PDE1A: variants seen among roughly 807,000 people sequenced by gnomAD.
PDE1A encodes the protein phosphodiesterase 1A.
A neutral mutation model predicts 61.7 loss-of-function variants in PDE1A; 35 were observed. That is an observed-to-expected ratio of 0.57 (90% confidence interval 0.43 to 0.75). The LOEUF (loss-of-function observed/expected upper bound fraction) is 0.75. PDE1A is among the 30% of genes least tolerant of loss of function. The pLI is 0.00. For synonymous variants in PDE1A, 232 were observed against 213.2 expected, an observed-to-expected ratio of 1.09 and a Z score of -0.77; for missense variants, 597 against 630.6, an observed-to-expected ratio of 0.95 and a Z score of 0.57.
chr2:182,382,588 A>C (rs1700798303), intron 1 of PDE1A, among the ~76,000 whole-genome samples: 1 of 152,210 alleles, frequency 6.6e-6, no homozygotes, highest in Non-Finnish European at 1.5e-5. Context: ...GACCCACAGA[A>C]CTTTTCACTA....
chr2:182,653,306 C>T, the PDE1A span, among the ~76,000 whole-genome samples: 23,528 of 152,078 alleles, frequency 0.15, 2,409 homozygotes, highest in African/African-American at 0.29. Context: ...CCTGGATCTG[C>T]ATATTTTAGC....
chr2:182,561,210 T>TAAA, the PDE1A span, among the ~76,000 whole-genome samples: 1 of 152,058 alleles, frequency 6.6e-6, no homozygotes, highest in Non-Finnish European at 1.5e-5. Context: ...TAAGTCTTTA[T>TAAA]CCATCTTGAA....
rs567050691 is a variant in PDE1A at position 182,304,200 on chromosome 2, T to A, written c.54-39786A>T. The stretch of plus-strand genomic sequence containing the variant: ...CCCGGCCGATGGCTTCTTTTCTTAA[T>A]CCTCATAAACCAGCCTCTGCTAGCT... On this transcript the variant is annotated intron_variant, in intron 1 of 13. Transcript: ENST00000351439. Among the ~76,000 whole-genome samples, 110 of 152,278 alleles carry A rather than the reference T, an allele frequency of 7.2e-4. No individual in the cohort carries two copies. The Middle Eastern group carries it at 0.01, about 14-fold the overall frequency.
At chr2:182,579,606 T>C in the PDE1A span, among the ~76,000 whole-genome samples, 2 of 152,152 alleles carry the variant, frequency 1.3e-5, no homozygotes, top group Non-Finnish European at 2.9e-5. Context: ...GCTATGAGTA[T>C]ATAGAGCCAC....
intron 1 of PDE1A, among the ~76,000 whole-genome samples, chr2:182,342,557 C>T (rs1183038525): frequency 6.6e-6 from 1 of 152,156 alleles, no homozygotes; most frequent in Non-Finnish European, 1.5e-5. Flanking sequence ...GTAACACGTG[C>T]CTGTAGTCCT....
the PDE1A span, among the ~76,000 whole-genome samples, chr2:182,697,750 G>A: frequency 3.9e-5 from 6 of 152,324 alleles, no homozygotes; most frequent in African/African-American, 1.4e-4. Context: ...CAAAGTCTAG[G>A]CTTGGAGGGA....
upstream of PDE1A, among the ~76,000 whole-genome samples, chr2:182,525,987 A>C (rs1328374507): frequency 6.6e-6 from 1 of 152,172 alleles, no homozygotes; most frequent in East Asian, 1.9e-4. Flanking sequence ...CAAAATCCCA[A>C]GTTAGCATCT....
chr2:182,201,502 T>G (rs1266168374), exon 10 of PDE1A: 1 of 1,614,056 alleles, frequency 6.2e-7, no homozygotes, highest in South Asian at 1.1e-5. Context: ...AGGATTTGGC[T>G]GGGTGGCTGA....
At chr2:182,406,116 A>G (rs916496831) in intron 1 of PDE1A, among the ~76,000 whole-genome samples, 6 of 152,086 alleles carry the variant, frequency 3.9e-5, no homozygotes, top group Non-Finnish European at 7.4e-5. Context: ...CACTTTCTAT[A>G]TAGTACTTCA....
chr2:182,686,395 T>C, the PDE1A span, among the ~76,000 whole-genome samples: 1 of 152,240 alleles, frequency 6.6e-6, no homozygotes, highest in Non-Finnish European at 1.5e-5. Context: ...GATATGTATA[T>C]CTATTCATGT....
intron 2 of PDE1A, among the ~76,000 whole-genome samples, chr2:182,488,393 G>A (rs1254648258): frequency 6.6e-5 from 10 of 151,960 alleles, no homozygotes; most frequent in Admixed American, 6.6e-4. Flanking sequence ...GCAAATAAGT[G>A]ATTACAAATA....
intron 2 of PDE1A, among the ~76,000 whole-genome samples, chr2:182,258,813 G>C (rs1473846409): frequency 2.6e-5 from 4 of 152,124 alleles, no homozygotes; most frequent in African/African-American, 9.7e-5. Flanking sequence ...TACTCCCTCT[G>C]GTTATCAGTT....
the PDE1A span, among the ~76,000 whole-genome samples, chr2:182,649,224 C>T: frequency 6.6e-6 from 1 of 152,168 alleles, no homozygotes; most frequent in Admixed American, 6.5e-5. Context: ...TCTTGGTACC[C>T]ACTGCCTGGC....
intron 1 of PDE1A, among the ~76,000 whole-genome samples, chr2:182,417,040 G>A (rs369245961): frequency 9.2e-5 from 14 of 152,128 alleles, no homozygotes; most frequent in African/African-American, 2.9e-4. Flanking sequence ...ACACAGTCAC[G>A]CAATAGACAC....
chr2:182,144,410 G>T (rs917274035), downstream of PDE1A, among the ~76,000 whole-genome samples: 12 of 152,112 alleles, frequency 7.9e-5, no homozygotes, highest in African/African-American at 2.9e-4. Flanking sequence ...AAAAATGTAA[G>T]CAAAACAAAA....
the PDE1A span, among the ~76,000 whole-genome samples, chr2:182,689,795 G>A: frequency 6.6e-6 from 1 of 151,980 alleles, no homozygotes; most frequent in Non-Finnish European, 1.5e-5. Context: ...GACTAATAAA[G>A]AAGAAAAGAG....
downstream of PDE1A, among the ~76,000 whole-genome samples, chr2:182,145,509 C>T (rs561117368): frequency 1.3e-5 from 2 of 152,294 alleles, no homozygotes; most frequent in South Asian, 2.1e-4. Context: ...AGACGGATTG[C>T]CTGAGCTCAG....
the PDE1A span, among the ~76,000 whole-genome samples, chr2:182,688,082 G>A: frequency 1.3e-5 from 2 of 152,164 alleles, no homozygotes; most frequent in East Asian, 1.9e-4. Flanking sequence ...AGGGAGAATG[G>A]AACCAAGTTG....
At chr2:182,329,179 G>T (rs1220140575) in intron 1 of PDE1A, among the ~76,000 whole-genome samples, 1 of 152,110 alleles carries the variant, frequency 6.6e-6, no homozygotes, top group African/African-American at 2.4e-5. Context: ...ATATATGGCT[G>T]TAAAATTTAA....
Sources: gnomAD v4.1 joint callset for allele counts (sites outside exome capture counted in the v4.1 genomes callset) on GRCh38, gnomAD v4.1.1 for gene constraint, MANE v1.5 for transcripts, NCBI Gene and HGNC (gene_info 2026-07-23, HGNC 2026-07-21) for gene names.